Variants in GRIA1 observed in about 807,000 individuals in gnomAD.
GRIA1 encodes glutamate receptor 1.
In GRIA1, 31 loss-of-function variants were observed where a neutral mutation model predicts 99.2. The ratio of observed to expected loss-of-function variants is 0.31; its 90% CI spans 0.23 to 0.42. GRIA1 has a LOEUF of 0.42. Ranked by LOEUF, GRIA1 falls within the 10% of genes least tolerant of loss-of-function variation. The pLI is 1.00. For missense variants in GRIA1, 782 were observed against 1,157.5 expected (o/e 0.68, Z 4.71); for synonymous variants, 438 against 432.4 (o/e 1.01, Z -0.16).
At chr5:153,678,481 G>C (rs1242921324) in intron 7 of GRIA1, among the ~76,000 whole-genome samples, 1 of 152,108 alleles carries the variant, frequency 6.6e-6, no homozygotes, top group Admixed American at 6.5e-5. Flanking sequence ...CCCTGTGCAG[G>C]GTGGCTCCCA....
At chr5:153,539,514 G>A (rs952285938) in intron 2 of GRIA1, among the ~76,000 whole-genome samples, 2 of 152,134 alleles carry the variant, frequency 1.3e-5, no homozygotes, top group Admixed American at 6.5e-5. Flanking sequence ...ACCATACCTG[G>A]GTTCTAGTCT....
intron 2 of GRIA1, among the ~76,000 whole-genome samples, chr5:153,536,914 C>T (rs987517640): frequency 6.6e-6 from 1 of 152,140 alleles, no homozygotes; most frequent in Non-Finnish European, 1.5e-5. Flanking sequence ...TGAGATAAGA[C>T]TATCTGGGTT....
intron 11 of GRIA1, among the ~76,000 whole-genome samples, chr5:153,743,143 G>A (rs1007133839): frequency 5.9e-5 from 9 of 152,166 alleles, no homozygotes; most frequent in Non-Finnish European, 1.3e-4. Context: ...GGAGAAAAGT[G>A]GAGACCGAGG....
chr5:153,546,103 T>C (rs1430884895), intron 2 of GRIA1, among the ~76,000 whole-genome samples: 2 of 152,200 alleles, frequency 1.3e-5, no homozygotes, highest in African/African-American at 4.8e-5. Context: ...GGTACTTAAC[T>C]TGTTCATTGA....
intron 11 of GRIA1, among the ~76,000 whole-genome samples, chr5:153,711,950 T>C (rs976711271): frequency 2.0e-5 from 3 of 152,226 alleles, no homozygotes; most frequent in South Asian, 2.1e-4. Context: ...CTAGTGGAGA[T>C]AATTACTCTC....
chr5:153,596,852 A>C (rs938984201), intron 2 of GRIA1, among the ~76,000 whole-genome samples: 21 of 152,220 alleles, frequency 1.4e-4, no homozygotes, highest in Non-Finnish European at 4.4e-5. Flanking sequence ...CAAGTTGTTT[A>C]ATGAAAAATC....
chr5:153,657,482 T>C (rs1755039800), intron 5 of GRIA1, among the ~76,000 whole-genome samples: 1 of 152,248 alleles, frequency 6.6e-6, no homozygotes, highest in African/African-American at 2.4e-5. Flanking sequence ...ACTGAACATA[T>C]AACTGGCTTC....
intron 2 of GRIA1, among the ~76,000 whole-genome samples, chr5:153,565,988 C>T (rs1382584855): frequency 1.3e-5 from 2 of 151,952 alleles, no homozygotes; most frequent in Non-Finnish European, 2.9e-5. Context: ...TGAGTGTGTA[C>T]CTAGTGGTGA....
intron 5 of GRIA1, among the ~76,000 whole-genome samples, chr5:153,671,864 T>C (rs1756205989): frequency 1.3e-5 from 2 of 152,270 alleles, no homozygotes; most frequent in Middle Eastern, 6.8e-3. Flanking sequence ...GGAAAGAGGC[T>C]ATGGGAACAC....
At chr5:153,638,583 C>G (rs1442679949) in intron 2 of GRIA1, among the ~76,000 whole-genome samples, 1 of 152,194 alleles carries the variant, frequency 6.6e-6, no homozygotes, top group Non-Finnish European at 1.5e-5. Context: ...AAACAGTTAT[C>G]ACAAATGGCT....
At chr5:153,762,285 C>G (rs1226531114) in intron 11 of GRIA1, among the ~76,000 whole-genome samples, 1 of 152,148 alleles carries the variant, frequency 6.6e-6, no homozygotes, top group East Asian at 1.9e-4. Flanking sequence ...CCATAAATAT[C>G]TACAATTTTT....
intron 13 of GRIA1, among the ~76,000 whole-genome samples, chr5:153,794,263 G>A (rs560698827): frequency 6.6e-5 from 10 of 152,116 alleles, no homozygotes; most frequent in South Asian, 4.2e-4. Flanking sequence ...ACCGATGCCC[G>A]TCTTTCATTC....
intron 2 of GRIA1, among the ~76,000 whole-genome samples, chr5:153,599,366 A>G (rs1581299166): frequency 6.6e-6 from 1 of 152,332 alleles, no homozygotes; most frequent in South Asian, 2.1e-4. Flanking sequence ...ATCCTAAAAG[A>G]TCACAATCTT....
chr5:153,650,405 C>A lies in GRIA1; in HGVS notation c.536C>A (p.Thr179Lys), dbSNP rs746475125. Residue 179 changes from threonine (T) to lysine (K), a missense_variant, in exon 4 of 16, where the codon ACA becomes AAA. Physicochemically the swap from Thr to Lys is moderately conservative, Grantham distance 78. Transcript: ENST00000285900. ...NWQVTAVNIL[T>K]TTEEGYRMLF... Reference sequence around the variant, plus strand: ...CAGGTGACAGCAGTCAACATTTTGACAACCACAGAGGAGGGATACCGGATG... The same window carrying A: ...CAGGTGACAGCAGTCAACATTTTGAAAACCACAGAGGAGGGATACCGGATG... The A allele has an allele frequency of 1.9e-6, 3 of 1,613,874 alleles. No homozygotes were observed. The highest frequency in any genetic ancestry group is 2.5e-6 in the Non-Finnish European group (3 of 1,179,930).
At chr5:153,682,601 T>C (rs10041275) in intron 7 of GRIA1, among the ~76,000 whole-genome samples, 49,303 of 151,908 alleles carry the variant, frequency 0.32, 8,890 homozygotes, top group East Asian at 0.53. Flanking sequence ...GCAAGAATCC[T>C]CTTAGGCCAT....
intron 8 of GRIA1, among the ~76,000 whole-genome samples, chr5:153,696,391 G>T (rs1398395900): frequency 6.6e-6 from 1 of 152,162 alleles, no homozygotes; most frequent in Non-Finnish European, 1.5e-5. Flanking sequence ...GCAGCCTCTG[G>T]AGAGAGATTG....
At chr5:153,495,657 A>G (rs538052461) in intron 2 of GRIA1, among the ~76,000 whole-genome samples, 2 of 152,312 alleles carry the variant, frequency 1.3e-5, no homozygotes, top group African/African-American at 4.8e-5. Flanking sequence ...TCATTTTGGT[A>G]ATGCTGAGGT....
At chr5:153,661,142 C>T (rs903219323) in intron 5 of GRIA1, among the ~76,000 whole-genome samples, 1 of 152,178 alleles carries the variant, frequency 6.6e-6, no homozygotes, top group African/African-American at 2.4e-5. Context: ...TCTGTCAGCT[C>T]CTTCTGCAAA....
At chr5:153,649,556 C>G (rs1024033679) in intron 3 of GRIA1, among the ~76,000 whole-genome samples, 1 of 152,206 alleles carries the variant, frequency 6.6e-6, no homozygotes, top group Non-Finnish European at 1.5e-5. Context: ...CTCCCAGGTT[C>G]AAGCAATTCT....
Sources: gnomAD v4.1 joint callset for allele counts (sites outside exome capture counted in the v4.1 genomes callset) on GRCh38, gnomAD v4.1.1 for gene constraint, MANE v1.5 for transcripts, NCBI Gene and HGNC (gene_info 2026-07-23, HGNC 2026-07-21) for gene names.